The following PRDM11 variants were observed in gnomAD, a reference collection of about 807,000 sequenced individuals.
PRDM11 encodes the protein PR domain-containing protein 11.
PRDM11 carries 20 observed loss-of-function variants against 97.8 expected under a neutral mutation model. The ratio of observed to expected loss-of-function variants is 0.20; its 90% CI spans 0.14 to 0.30. PRDM11 has a LOEUF of 0.30. Among genes scored for constraint, PRDM11 ranks in the 10% least tolerant of loss-of-function variants. The pLI, the probability that PRDM11 is intolerant of heterozygous loss-of-function variation, is 1.00. For synonymous variants in PRDM11, 599 were observed against 637.7 expected (o/e 0.94, Z 0.91); for missense variants, 1,139 against 1,555.2 (o/e 0.73, Z 4.50).
chr11:45,197,555 T>C (rs1268628969), intron 4 of PRDM11, among the ~76,000 whole-genome samples: 1 of 152,152 alleles, frequency 6.6e-6, no homozygotes, highest in Non-Finnish European at 1.5e-5. Flanking sequence ...AATGGATATG[T>C]TTATATCATA....
At chr11:45,123,468 A>G (rs1056423309) in intron 1 of PRDM11, among the ~76,000 whole-genome samples, 7 of 145,518 alleles carry the variant, frequency 4.8e-5, no homozygotes, top group Admixed American at 3.4e-4. Context: ...AGGGTTTTTT[A>G]TGGTTTTAGG....
chr11:45,116,319 G>A (rs887115980), intron 1 of PRDM11, among the ~76,000 whole-genome samples: 6 of 152,136 alleles, frequency 3.9e-5, no homozygotes, highest in East Asian at 1.9e-4. Flanking sequence ...AGAACACCAC[G>A]TCAAACATCT....
intron 1 of PRDM11, among the ~76,000 whole-genome samples, chr11:45,135,110 G>C (rs905980507): frequency 1.3e-5 from 2 of 150,602 alleles, no homozygotes; most frequent in African/African-American, 4.9e-5. Flanking sequence ...CTAAAAAGAA[G>C]AATCCAATTT....
intron 4 of PRDM11, among the ~76,000 whole-genome samples, chr11:45,192,922 C>A (rs911730800): frequency 3.9e-5 from 6 of 152,154 alleles, no homozygotes; most frequent in Non-Finnish European, 5.9e-5. Context: ...GTCACTGAAA[C>A]AAAATTGCTA....
At chr11:45,194,590 CTGTTT>C (rs1241235380) in intron 4 of PRDM11, among the ~76,000 whole-genome samples, 1,316 of 89,850 alleles carry the variant, frequency 0.015, 84 homozygotes, top group African/African-American at 0.046. Context: ...TTATTATCTT[CTGTTT>C]TTTTTTTTTT....
At chr11:45,144,735 T>C (rs1023076043), upstream of PRDM11, among the ~76,000 whole-genome samples, 68 of 152,270 alleles carry the variant, frequency 4.5e-4, no homozygotes, top group African/African-American at 1.5e-3. Context: ...CATCCTACCA[T>C]TGGTGGAAAT....
Position 45,219,565 on chromosome 11 carries a change from A to C in PRDM11, c.555-5A>C, listed in dbSNP as rs1217565641. On this transcript the variant is annotated splice_polypyrimidine_tract_variant and splice_region_variant and intron_variant, in intron 5 of 7. Transcript: ENST00000683152. The surrounding 1 kb of genome is among the most constrained non-coding windows in gnomAD (Gnocchi z 4.2). The stretch of plus-strand genomic sequence containing the variant: ...GCGTTCTCACCTGTCTCCCCTCCCC[A>C]CCAGGTACGTGGTCATCTCCCGGGA... 1.9e-6 allele frequency: 3 copies of C among 1,611,528 alleles called. No individual in the cohort carries two copies. In the African/African-American group the frequency reaches 4.0e-5, roughly 22 times the overall value.
intron 1 of PRDM11, among the ~76,000 whole-genome samples, chr11:45,130,593 C>A (rs963409216): frequency 6.6e-6 from 1 of 152,116 alleles, no homozygotes; most frequent in East Asian, 1.9e-4. Flanking sequence ...CTGGAACTCA[C>A]TCATGTATTG....
intron 1 of PRDM11, among the ~76,000 whole-genome samples, chr11:45,137,715 T>A (rs1833935362): frequency 6.6e-6 from 1 of 152,152 alleles, no homozygotes; most frequent in South Asian, 2.1e-4. Context: ...TGAACTCCAA[T>A]CCAGCCTGGG....
In PRDM11 at chr11:45,211,336, T is replaced by TG. The variant is rs373061144; in HGVS notation, c.554+6564dup. On this transcript the variant is annotated intron_variant, in intron 5 of 7. Transcript: ENST00000683152. ...CTGTCTGTCCTCCCCATCACCTTCC[T>TG]GGGGGGTGGTTCTGAGTTGAGTCCG... Among the ~76,000 whole-genome samples, 755 of 152,216 alleles carry TG rather than the reference T, an allele frequency of 5.0e-3. 6 individuals carry two copies. Among genetic ancestry groups the TG allele is most frequent in the African/African-American group, 0.017 (714 of 41,536 alleles).
At chr11:45,180,947 C>A (rs947873156) in intron 1 of PRDM11, among the ~76,000 whole-genome samples, 1 of 152,144 alleles carries the variant, frequency 6.6e-6, no homozygotes, top group Non-Finnish European at 1.5e-5. Context: ...GGCTTTGGGG[C>A]CCCGGTGGGG....
intron 1 of PRDM11, among the ~76,000 whole-genome samples, chr11:45,129,639 C>T (rs1852675422): frequency 6.6e-6 from 1 of 152,074 alleles, no homozygotes; most frequent in Non-Finnish European, 1.5e-5. Flanking sequence ...GACCTAAACA[C>T]ATGGATTTAC....
At chr11:45,186,338 G>A (rs1005566022) in intron 4 of PRDM11, among the ~76,000 whole-genome samples, 3 of 152,158 alleles carry the variant, frequency 2.0e-5, no homozygotes, top group African/African-American at 4.8e-5. Context: ...CCTGGTGCCC[G>A]TGAGATGCTC....
intron 4 of PRDM11, among the ~76,000 whole-genome samples, chr11:45,186,299 G>T (rs1394366310): frequency 6.6e-6 from 1 of 152,134 alleles, no homozygotes; most frequent in African/African-American, 2.4e-5. Flanking sequence ...GATCAGAGAA[G>T]GTGAGTTCTG....
At chr11:45,209,668 G>C (rs1358094416) in intron 5 of PRDM11, among the ~76,000 whole-genome samples, 1 of 152,164 alleles carries the variant, frequency 6.6e-6, no homozygotes, top group Non-Finnish European at 1.5e-5. Context: ...CCGAGAGCAG[G>C]GCTGACTTCA....
intron 1 of PRDM11, among the ~76,000 whole-genome samples, chr11:45,132,563 A>G (rs1185440081): frequency 1.3e-5 from 2 of 152,242 alleles, no homozygotes; most frequent in African/African-American, 4.8e-5. Context: ...CACTTTGCAA[A>G]TTGAAAAGAC....
At chr11:45,099,996 A>G (rs1327595871) in intron 1 of PRDM11, among the ~76,000 whole-genome samples, 1 of 152,242 alleles carries the variant, frequency 6.6e-6, no homozygotes, top group Non-Finnish European at 1.5e-5. Flanking sequence ...ATTGAGAGGC[A>G]GGTGCAGTGA....
intron 1 of PRDM11, among the ~76,000 whole-genome samples, chr11:45,106,267 CA>C (rs1852060214): frequency 3.3e-5 from 5 of 152,130 alleles, no homozygotes; most frequent in Admixed American, 3.3e-4. Context: ...ACCCCGTTGG[CA>C]GCCCCAGCTT....
intron 1 of PRDM11, among the ~76,000 whole-genome samples, chr11:45,164,533 G>T (rs1043209670): frequency 5.9e-5 from 9 of 152,248 alleles, no homozygotes; most frequent in African/African-American, 2.2e-4. Context: ...CCACCGTGAG[G>T]GCTGTGGTGA....
Sources: allele counts gnomAD v4.1 joint callset (sites outside exome capture counted in the v4.1 genomes callset), GRCh38; gene constraint gnomAD v4.1.1; non-coding constraint Gnocchi (gnomAD v3.1); transcripts MANE v1.5; gene names NCBI Gene and HGNC (gene_info 2026-07-23, HGNC 2026-07-21).